The following CAT variants were observed in gnomAD, a reference collection of about 807,000 sequenced individuals.
The protein encoded by CAT is epididymis secretory sperm binding protein.
In CAT, 43 loss-of-function variants were observed where a neutral mutation model predicts 59.0. The observed-to-expected ratio is 0.73, with a 90% CI of 0.57 to 0.94. The LOEUF (loss-of-function observed/expected upper bound fraction) is 0.94, where lower values mean the gene tolerates loss of function less well. Among genes scored for constraint, CAT ranks in the 40% least tolerant of loss-of-function variants. The pLI is 0.00. For missense variants in CAT, 664 were observed against 682.9 expected, an observed-to-expected ratio of 0.97 and a Z score of 0.31; for synonymous variants, 218 against 230.9, an observed-to-expected ratio of 0.94 and a Z score of 0.51.
intron 8 of CAT, among the ~76,000 whole-genome samples, chr11:34,459,712 C>T (rs1856628011): frequency 6.6e-6 from 1 of 152,166 alleles, no homozygotes; most frequent in African/African-American, 2.4e-5. Flanking sequence ...GGTCTCCACC[C>T]ATAGGTGGGG....
intron 1 of CAT, among the ~76,000 whole-genome samples, chr11:34,448,522 A>T (rs1411618506): frequency 6.6e-6 from 1 of 152,244 alleles, no homozygotes; most frequent in Non-Finnish European, 1.5e-5. Context: ...TTGGAGAATC[A>T]GGTGGATTAA....
intron 10 of CAT, among the ~76,000 whole-genome samples, chr11:34,464,705 C>G (rs1794950740): frequency 6.6e-6 from 1 of 151,874 alleles, no homozygotes; most frequent in Admixed American, 6.6e-5. Context: ...TCTGCTTCTG[C>G]TTGCCAATGC....
At chr11:34,465,714 A>G (rs1001064671) in intron 10 of CAT, among the ~76,000 whole-genome samples, 3 of 152,228 alleles carry the variant, frequency 2.0e-5, no homozygotes. Flanking sequence ...GGAAATACAT[A>G]AGAAGGTCCA....
chr11:34,454,836 G>A (rs1387253080), intron 6 of CAT, among the ~76,000 whole-genome samples: 1 of 152,144 alleles, frequency 6.6e-6, no homozygotes, highest in African/African-American at 2.4e-5. Context: ...ATGCCAGCCT[G>A]AACTCAAATT....
chr11:34,439,201 A>AG lies in CAT; in HGVS notation c.66+128dup, dbSNP rs1266827306. 1.4e-5 allele frequency: 13 copies of AG among 930,026 alleles called. No individual in the cohort carries two copies. In the East Asian group the frequency reaches 1.6e-4, roughly 11 times the overall value. The allele number at this position is 930,026 out of a possible 1,614,324, so 57.6% of individuals were successfully genotyped here. On this transcript the variant is annotated intron_variant, in intron 1 of 12. Coordinates refer to ENST00000241052, the MANE Select transcript of CAT (RefSeq NM_001752.4). ...GGGACTGTACCGCGGCTCACTGGGC[A>AG]GGGGGGATCCCCTTCGGTGCAGACG...
chr11:34,467,489 A>ATT (rs17884248), intron 10 of CAT, among the ~76,000 whole-genome samples: 18,349 of 152,242 alleles, frequency 0.12, 1,377 homozygotes, highest in Admixed American at 0.21. Flanking sequence ...ATCTCTTAAT[A>ATT]TTTTATGAAG....
chr11:34,438,952 C>A lies in CAT; in HGVS notation c.-62C>A. On this transcript the variant is annotated 5_prime_UTR_variant, in exon 1 of 13. The change creates a new upstream start codon in the 5' untranslated region. Coordinates refer to ENST00000241052, the MANE Select transcript of CAT (RefSeq NM_001752.4). ...TCGGGGCAACAGGCAGATTTGCCTG[C>A]TGAGGGTGGAGACCCACGAGCCGAG... 1 of 1,436,158 alleles carries A rather than the reference C, an allele frequency of 7.0e-7. No homozygotes were observed. Among genetic ancestry groups the A allele is most frequent in the Non-Finnish European group, 9.6e-7 (1 of 1,041,520 alleles). 89.0% of individuals were successfully genotyped at this position (1,436,158 alleles called of 1,614,324 possible).
chr11:34,468,669 G>T lies in CAT; in HGVS notation c.1434+274G>T, dbSNP rs1856745003. ...ATTTTGTCCTATTCTGTTTAATTCA[G>T]CTGCAGCCAAGTTCTGTGCAAGATA... On this transcript the variant is annotated intron_variant, in intron 11 of 12. Transcript: ENST00000241052. 5.3e-5 allele frequency: 28 copies of T among 528,368 alleles called. No individual in the cohort carries two copies. In the South Asian group the frequency reaches 6.0e-4, roughly 11 times the overall value. 32.7% of individuals were successfully genotyped at this position (528,368 alleles called of 1,614,324 possible).
At chr11:34,447,070 T>C (rs751260890) in intron 1 of CAT, among the ~76,000 whole-genome samples, 28 of 152,222 alleles carry the variant, frequency 1.8e-4, no homozygotes, top group Non-Finnish European at 3.8e-4. Context: ...TTTTAAAGGC[T>C]TCCTTAAATA....
At position 34,456,798 on chromosome 11, in the gene CAT, G is replaced by A. The variant is rs771692938; in HGVS notation, c.1037G>A (p.Ser346Asn). 1.9e-6 allele frequency: 3 copies of A among 1,614,234 alleles called. No individual in the cohort carries two copies. Among genetic ancestry groups the A allele is most frequent in the Non-Finnish European group, 1.7e-6 (2 of 1,180,044 alleles). ...AACATGCCACCTGGCATTGAGGCCA[G>A]TCCTGACAAAATGCTTCAGGTGAGC... ...PSNMPPGIEASPDKMLQGRLF... is the reference protein window; with the variant it reads ...PSNMPPGIEANPDKMLQGRLF... Residue 346 changes from serine to asparagine, a missense_variant, in exon 8 of 13, where the codon AGT (serine) becomes AAT (asparagine). Ser to Asn is a conservative substitution (Grantham distance 46). Coordinates refer to ENST00000241052, the MANE Select transcript of CAT (RefSeq NM_001752.4).
chr11:34,467,977 G>A (rs979939695), intron 10 of CAT, among the ~76,000 whole-genome samples: 2 of 152,126 alleles, frequency 1.3e-5, no homozygotes, highest in East Asian at 1.9e-4. Flanking sequence ...TTCAAAGGCA[G>A]CTTGCACATT....
rs532421539 is a variant in CAT at position 34,449,254 on chromosome 11, A to C, written c.129A>C (p.Thr43=). 20 of 1,613,974 alleles carry C rather than the reference A, an allele frequency of 1.2e-5. No homozygotes were observed. The South Asian group carries it at 2.0e-4, about 16-fold the overall frequency. Reference sequence around the variant, plus strand: ...TAGGAGACAAACTTAATGTTATTACAGTAGGGCCCCGTGGGCCCCTTCTTG... The same window carrying C: ...TAGGAGACAAACTTAATGTTATTACCGTAGGGCCCCGTGGGCCCCTTCTTG... ...NPVGDKLNVI[T]VGPRGPLLVQ... is the part of the protein sequence containing the mutation. Residue 43 remains threonine, a synonymous_variant, in exon 2 of 13, where the codon ACA becomes ACC. Transcript: ENST00000241052.
At chr11:34,442,847 T>G (rs571020552) in intron 1 of CAT, among the ~76,000 whole-genome samples, 1 of 152,264 alleles carries the variant, frequency 6.6e-6, no homozygotes, top group South Asian at 2.1e-4. Flanking sequence ...ACTTACATTC[T>G]GTTGGCTAGA....
intron 10 of CAT, 127 bp from the exon 11 acceptor site, chr11:34,468,161 A>T: frequency 1.3e-6 from 1 of 768,784 alleles, no homozygotes; most frequent in Non-Finnish European, 2.3e-6. Context: ...CCAAATTTAA[A>T]ATTTAAAATT....
At chr11:34,463,083 A>G (rs1199376108) in intron 9 of CAT, among the ~76,000 whole-genome samples, 1 of 152,200 alleles carries the variant, frequency 6.6e-6, no homozygotes, top group Non-Finnish European at 1.5e-5. Context: ...TGGATAATCT[A>G]TTACGGCAGT....
intron 1 of CAT, among the ~76,000 whole-genome samples, chr11:34,439,358 G>T (rs982753269): frequency 2.0e-5 from 3 of 152,188 alleles, no homozygotes; most frequent in Non-Finnish European, 2.9e-5. Context: ...GACAGAGGTC[G>T]CAGCTTGAGG....
chr11:34,439,120 A>C (rs1379962926), intron 1 of CAT, 41 bp downstream of exon 1: 5 of 1,546,706 alleles, frequency 3.2e-6, no homozygotes, highest in Non-Finnish European at 3.5e-6. Context: ...AGGTCCGTTT[A>C]GAAAGCGGGG....
intron 8 of CAT, among the ~76,000 whole-genome samples, chr11:34,457,828 G>A (rs939502274): frequency 2.6e-5 from 4 of 152,232 alleles, no homozygotes; most frequent in Non-Finnish European, 4.4e-5. Flanking sequence ...AGACCACAGC[G>A]ACTGAAGGTT....
chr11:34,451,267 G>C (rs1856521232), intron 3 of CAT, among the ~76,000 whole-genome samples, 169 bp downstream of exon 3: 1 of 152,198 alleles, frequency 6.6e-6, no homozygotes, highest in African/African-American at 2.4e-5. Context: ...GAAGTTACTT[G>C]TATTTCTGTT....
Sources: gnomAD v4.1 joint callset for allele counts (sites outside exome capture counted in the v4.1 genomes callset) on GRCh38, gnomAD v4.1.1 for gene constraint, MANE v1.5 for transcripts, NCBI Gene and HGNC (gene_info 2026-07-23, HGNC 2026-07-21) for gene names.